Variants in PCNX2 observed in about 807,000 individuals in gnomAD.
PCNX2 encodes pecanex 2, also known as pecanex-like protein 2.
PCNX2 carries 168 observed loss-of-function variants against 223.8 expected under a neutral mutation model. The ratio of observed to expected loss-of-function variants is 0.75; its 90% CI spans 0.66 to 0.85. The LOEUF (loss-of-function observed/expected upper bound fraction) is 0.85, where lower values mean the gene tolerates loss of function less well. PCNX2 is among the 40% of genes least tolerant of loss of function. The pLI is 0.00. For missense variants in PCNX2, 2,507 were observed against 2,675.5 expected, an observed-to-expected ratio of 0.94 and a Z score of 1.39; for synonymous variants, 1,006 against 1,052.6, an observed-to-expected ratio of 0.96 and a Z score of 0.86.
intron 23 of PCNX2, among the ~76,000 whole-genome samples, chr1:233,080,858 T>C (rs1170758007): frequency 6.6e-6 from 1 of 152,174 alleles, no homozygotes; most frequent in Admixed American, 6.5e-5. Context: ...CCCAAAACTT[T>C]CATTTGTGTA....
chr1:233,252,957 T>C (rs747023426), intron 5 of PCNX2, among the ~76,000 whole-genome samples, 169 bp from the exon 6 acceptor site: 9 of 152,236 alleles, frequency 5.9e-5, no homozygotes, highest in Non-Finnish European at 1.0e-4. Flanking sequence ...TGGAAGTACC[T>C]ACATATATGT....
rs368669567 is a variant in PCNX2 at position 233,107,961 on chromosome 1, G to A, written c.3838-12098C>T. 1.9e-3 allele frequency among the ~76,000 whole-genome samples: 295 copies of A among 152,292 alleles called. 1 individual carries two copies. Among genetic ancestry groups the A allele is most frequent in the African/African-American group, 6.8e-3 (282 of 41,556 alleles). On this transcript the variant is annotated intron_variant, in intron 21 of 33. Transcript: ENST00000258229. ...CAAAACCCACCAAAACCAAGATGGC[G>A]ATGAGCGTGACCTCTGTAGTCCTCA...
At chr1:233,290,505 T>C (rs1488512589) in intron 1 of PCNX2, among the ~76,000 whole-genome samples, 1 of 152,192 alleles carries the variant, frequency 6.6e-6, no homozygotes, top group African/African-American at 2.4e-5. Flanking sequence ...TTAAACTTTT[T>C]ATAGTAAAAT....
chr1:233,059,939 C>G (rs1013367047), intron 23 of PCNX2, among the ~76,000 whole-genome samples: 3 of 152,198 alleles, frequency 2.0e-5, no homozygotes, highest in Non-Finnish European at 4.4e-5. Flanking sequence ...TTGGTTGGAA[C>G]TATAATTTGA....
chr1:233,295,754 G>A, upstream of PCNX2: 3 of 336,812 alleles, frequency 8.9e-6, no homozygotes, highest in Admixed American at 5.0e-5. This position sits in a 1 kb window ranked among gnomAD's most constrained non-coding sequence, Gnocchi z 4.1. Context: ...GCTCAGAGGC[G>A]GCTGCTCAGA....
rs758802554 is a variant in PCNX2 at position 233,002,235 on chromosome 1, A to AT, written c.4953-555dup. ...AGAACATGCATTTCCCAATCCCACC[A>AT]TTTTTTTTAATGATGAGAGGAAGAG... On this transcript the variant is annotated intron_variant, in intron 28 of 33. Transcript: ENST00000258229. 5.3e-5 allele frequency among the ~76,000 whole-genome samples: 8 copies of AT among 151,880 alleles called. No homozygotes were observed. In the East Asian group the frequency reaches 9.7e-4, roughly 18 times the overall value.
At chr1:233,148,592 G>A (rs1391915172) in intron 19 of PCNX2, among the ~76,000 whole-genome samples, 4 of 152,010 alleles carry the variant, frequency 2.6e-5, no homozygotes, top group Admixed American at 6.5e-5. Flanking sequence ...AGGAGAGATG[G>A]TGTTTCACCA....
At position 233,074,320 on chromosome 1, in the gene PCNX2, C is replaced by A. The variant is rs556535384; in HGVS notation, c.4076+15741G>T. Among the ~76,000 whole-genome samples the A allele has an allele frequency of 2.4e-3, 367 of 152,224 alleles. 1 individual carries two copies. The highest frequency in any genetic ancestry group is 8.3e-3 in the African/African-American group (344 of 41,536). ...ATTTTGTTAAGAGGACGAGGCCGGG[C>A]GCGGTGGCTCACGCCTGTAATCCCA... is the stretch of plus-strand genomic sequence containing the variant. On this transcript the variant is annotated intron_variant, in intron 23 of 33. Coordinates refer to ENST00000258229, the MANE Select transcript of PCNX2 (RefSeq NM_014801.4).
At chr1:233,327,326 A>G in the PCNX2 span, among the ~76,000 whole-genome samples, 1 of 141,002 alleles carries the variant, frequency 7.1e-6, no homozygotes, top group Non-Finnish European at 1.5e-5. Flanking sequence ...GCTCCGGAGC[A>G]CCTGCGGCGG....
Position 233,263,104 on chromosome 1 carries a change from G to T in PCNX2, c.213C>A (p.Phe71Leu). The T allele has an allele frequency of 6.2e-7, 1 of 1,613,168 alleles. No individual in the cohort carries two copies. The highest frequency in any genetic ancestry group is 1.7e-4 in the Middle Eastern group (1 of 6,058). ...GATAACTGACCAGTTTGATTATTGT[G>T]AAGAATATAGTCACTGCACTGCAGT... Reference protein sequence around the residue: ...FFYCSAVTIFFTIIKLVSYRL... With the variant: ...FFYCSAVTIFLTIIKLVSYRL... Residue 71 changes from phenylalanine to leucine, a missense_variant, in exon 2 of 34, where the codon TTC (phenylalanine) becomes TTA (leucine). By Grantham distance (22) the Phe-to-Leu change is conservative. Transcript: ENST00000258229.
chr1:233,138,562 G>A (rs1676937052), intron 20 of PCNX2, among the ~76,000 whole-genome samples: 1 of 152,202 alleles, frequency 6.6e-6, no homozygotes, highest in African/African-American at 2.4e-5. Context: ...GGGAATCCCT[G>A]CCTTAGAGAA....
chr1:232,987,226 C>G (rs998383210), intron 32 of PCNX2, among the ~76,000 whole-genome samples: 1 of 152,234 alleles, frequency 6.6e-6, no homozygotes, highest in Non-Finnish European at 1.5e-5. Flanking sequence ...TGAAACTTGT[C>G]TAGACAAGGC....
chr1:233,032,313 T>A (rs1363835025), intron 25 of PCNX2, among the ~76,000 whole-genome samples: 3 of 152,138 alleles, frequency 2.0e-5, no homozygotes, highest in Non-Finnish European at 4.4e-5. Context: ...CTGTTGGTCA[T>A]GCTGGTCTCA....
chr1:233,144,907 T>C (rs1014140518), intron 19 of PCNX2, among the ~76,000 whole-genome samples: 2 of 151,848 alleles, frequency 1.3e-5, no homozygotes. Context: ...CTTCTCATTT[T>C]TTCCCACTTA....
At chr1:233,089,850 G>T in intron 23 of PCNX2, 1 of 1,304,268 alleles carries the variant, frequency 7.7e-7, no homozygotes, top group Non-Finnish European at 9.7e-7. Context: ...GTATTCGTTG[G>T]CTAATTTGAA....
At chr1:233,089,121 A>G (rs998498301) in intron 23 of PCNX2, among the ~76,000 whole-genome samples, 2 of 152,222 alleles carry the variant, frequency 1.3e-5, no homozygotes, top group Admixed American at 1.3e-4. Context: ...GTCTAACTTA[A>G]TGATGACCTC....
intron 23 of PCNX2, among the ~76,000 whole-genome samples, chr1:233,063,720 T>C (rs1358745532): frequency 6.6e-6 from 1 of 152,194 alleles, no homozygotes; most frequent in African/African-American, 2.4e-5. Flanking sequence ...AAAACTGTGC[T>C]TCTCCCTATT....
intron 32 of PCNX2, among the ~76,000 whole-genome samples, chr1:232,993,518 G>A (rs1669774731): frequency 1.3e-5 from 2 of 152,216 alleles, no homozygotes; most frequent in East Asian, 3.9e-4. Context: ...AAAGGAAGCA[G>A]AGTATAAAGG....
At chr1:233,076,569 G>A (rs759798809) in intron 23 of PCNX2, among the ~76,000 whole-genome samples, 8 of 152,162 alleles carry the variant, frequency 5.3e-5, no homozygotes, top group East Asian at 3.9e-4. Flanking sequence ...ACACAGCAAC[G>A]TTTCTTGCTC....
Sources: gnomAD v4.1 joint callset for allele counts (sites outside exome capture counted in the v4.1 genomes callset) on GRCh38, gnomAD v4.1.1 for gene constraint, Gnocchi (gnomAD v3.1) non-coding constraint, MANE v1.5 for transcripts, NCBI Gene and HGNC (gene_info 2026-07-23, HGNC 2026-07-21) for gene names.